The following ACADM variants were observed in gnomAD, a reference collection of about 807,000 sequenced individuals.
ACADM encodes acyl-CoA dehydrogenase medium chain, also known as medium-chain specific acyl-CoA dehydrogenase, mitochondrial.
Under a neutral mutation model 58.9 loss-of-function variants are expected in ACADM, and 49 were observed. The ratio of observed to expected loss-of-function variants is 0.83; its 90% CI spans 0.66 to 1.06. ACADM has a LOEUF of 1.06. Ranked by LOEUF, ACADM falls within the 50% of genes least tolerant of loss-of-function variation. ACADM has a pLI of 0.00. For synonymous variants in ACADM, 160 were observed against 157.7 expected, an observed-to-expected ratio of 1.01 and a Z score of -0.11; for missense variants, 496 against 507.0, an observed-to-expected ratio of 0.98 and a Z score of 0.21.
At chr1:75,738,384 C>G (rs1284496929) in intron 6 of ACADM, among the ~76,000 whole-genome samples, 1 of 152,010 alleles carries the variant, frequency 6.6e-6, no homozygotes, top group Non-Finnish European at 1.5e-5. Context: ...CCAAGCCTGG[C>G]TAAGTTTTTG....
intron 4 of ACADM, chr1:75,733,271 A>G: frequency 7.2e-7 from 1 of 1,393,574 alleles, no homozygotes; most frequent in Non-Finnish European, 9.6e-7. Context: ...TTAGAGTTGA[A>G]TTGAGTTTTA....
At chr1:75,757,562 G>C (rs1648580325) in intron 10 of ACADM, among the ~76,000 whole-genome samples, 2 of 152,160 alleles carry the variant, frequency 1.3e-5, no homozygotes, top group South Asian at 4.1e-4. Flanking sequence ...AACAACAGGT[G>C]CTGGAGAGGA....
intron 7 of ACADM, among the ~76,000 whole-genome samples, chr1:75,742,255 G>A (rs1283633065): frequency 6.6e-6 from 1 of 151,682 alleles, no homozygotes; most frequent in Non-Finnish European, 1.5e-5. Context: ...GATGCAGTTG[G>A]ATACAAAGCC....
At chr1:75,756,606 G>T (rs529572632) in intron 10 of ACADM, among the ~76,000 whole-genome samples, 3 of 152,312 alleles carry the variant, frequency 2.0e-5, no homozygotes, top group Non-Finnish European at 4.4e-5. Flanking sequence ...TGGGTAGGAA[G>T]AATCAATATC....
At position 75,724,747 on chromosome 1, in the gene ACADM, A is replaced by AC. The variant is rs1276246387; in HGVS notation, c.-38dup. On this transcript the variant is annotated 5_prime_UTR_variant, in exon 1 of 12. Coordinates refer to ENST00000370841, the MANE Select transcript of ACADM (RefSeq NM_000016.6). ...GTTCGGGGAGTATGTCAAGGCCGTGACCCGTGTATTATTGTCCGAGTGGCC... is the reference window on the plus strand; with the variant it reads ...GTTCGGGGAGTATGTCAAGGCCGTGACCCCGTGTATTATTGTCCGAGTGGCC... 6.5e-7 allele frequency: 1 copy of AC among 1,541,750 alleles called. No individual in the cohort carries two copies. Among genetic ancestry groups the AC allele is most frequent in the Non-Finnish European group, 8.7e-7 (1 of 1,144,234 alleles).
At chr1:75,737,707 C>T (rs1647347405) in intron 6 of ACADM, among the ~76,000 whole-genome samples, 2 of 152,034 alleles carry the variant, frequency 1.3e-5, no homozygotes, top group Non-Finnish European at 2.9e-5. Flanking sequence ...TGGGAATCAA[C>T]ACCTTCTGAA....
rs546106116 is a variant in ACADM at position 75,730,567 on chromosome 1, G to T, written c.119-2077G>T. 8.0e-5 allele frequency among the ~76,000 whole-genome samples: 12 copies of T among 150,680 alleles called. No homozygotes were observed. The South Asian group carries it at 2.5e-3, about 32-fold the overall frequency. ...CCTTTTTTTTTTTTTTAAGAGACAG[G>T]GTTTCACTCTGTCACCCAAGCTGGA... On this transcript the variant is annotated intron_variant, in intron 2 of 11. Coordinates refer to ENST00000370841, the MANE Select transcript of ACADM (RefSeq NM_000016.6).
At chr1:75,726,283 C>T (rs1271337181) in intron 1 of ACADM, among the ~76,000 whole-genome samples, 1 of 151,382 alleles carries the variant, frequency 6.6e-6, no homozygotes, top group East Asian at 1.9e-4. Flanking sequence ...GTAGCATATG[C>T]CTGTAATCCC....
rs33952162 is a variant in ACADM, at chr1:75,735,319, C to CAAA, written c.468+466_468+468dup. Among the ~76,000 whole-genome samples the CAAA allele has an allele frequency of 1.9e-3, 188 of 101,618 alleles. 1 individual carries two copies. Among genetic ancestry groups the CAAA allele is most frequent in the East Asian group, 0.01 (31 of 2,994 alleles). The allele number at this position is 101,618 out of a possible 152,430, so 66.7% of individuals were successfully genotyped here. A position where few individuals can be genotyped will look rare whatever the true frequency, so the allele number is the denominator to read the frequency against. On this transcript the variant is annotated intron_variant, in intron 6 of 11. Coordinates refer to ENST00000370841, the MANE Select transcript of ACADM (RefSeq NM_000016.6). ...CGACAGAGTGAGTGAGACCCTGTCT[C>CAAA]AAAAAAAAAAAAAAAAAAAAGGTGT...
chr1:75,728,019 A>C (rs1373552389), intron 1 of ACADM, among the ~76,000 whole-genome samples: 1 of 152,112 alleles, frequency 6.6e-6, no homozygotes. Context: ...TGAACACAGT[A>C]TGTTCACTTC....
intron 2 of ACADM, among the ~76,000 whole-genome samples, chr1:75,731,163 C>T (rs1465588408): frequency 1.3e-5 from 2 of 151,436 alleles, no homozygotes; most frequent in East Asian, 3.9e-4. Context: ...CCTGTAGTCC[C>T]AGCTGCTCAG....
At chr1:75,734,746 C>A in intron 5 of ACADM, 45 bp from the exon 6 acceptor site, 1 of 1,404,156 alleles carries the variant, frequency 7.1e-7, no homozygotes, top group Non-Finnish European at 1.0e-6. Context: ...ATTTACATAT[C>A]CAATAAAAAT....
intron 6 of ACADM, among the ~76,000 whole-genome samples, chr1:75,738,683 G>A (rs1026419886): frequency 1.3e-5 from 2 of 152,038 alleles, no homozygotes; most frequent in African/African-American, 4.8e-5. Flanking sequence ...GGTCTCAAGC[G>A]ATCCTCCCAT....
intron 2 of ACADM, among the ~76,000 whole-genome samples, chr1:75,728,691 A>T (rs1310505671): frequency 6.6e-6 from 1 of 152,194 alleles, no homozygotes; most frequent in African/African-American, 2.4e-5. Flanking sequence ...TGTACATTAG[A>T]TCTGTTTTAG....
chr1:75,733,231 G>T, intron 4 of ACADM: 1 of 1,546,256 alleles, frequency 6.5e-7, no homozygotes, highest in South Asian at 1.2e-5. Context: ...TCTTTTTTGT[G>T]AACCATGATT....
At chr1:75,756,860 A>C (rs565525747) in intron 10 of ACADM, among the ~76,000 whole-genome samples, 1 of 152,316 alleles carries the variant, frequency 6.6e-6, no homozygotes, top group South Asian at 2.1e-4. Context: ...ACCAAAACAG[A>C]TATATAGACA....
chr1:75,749,736 CAG>C (rs1403467238), intron 9 of ACADM, among the ~76,000 whole-genome samples, 177 bp downstream of exon 9: 1 of 116,952 alleles, frequency 8.6e-6, no homozygotes, highest in African/African-American at 3.4e-5. Context: ...TTTTTTGAGA[CAG>C]AGTCTCACTC....
Position 75,745,902 on chromosome 1 carries a change from G to A in ACADM, c.696G>A (p.Gln232=). ...FIVEADTPGI[Q]IGRKELNMGQ... Reference sequence around the variant, plus strand: ...TGGAAGCAGATACCCCAGGAATTCAGATTGGGAGAAAGGTAAAGTATTTAT... The same window carrying A: ...TGGAAGCAGATACCCCAGGAATTCAAATTGGGAGAAAGGTAAAGTATTTAT... The change falls in exon 8 of 12, where the codon CAG becomes CAA. Residue 232 remains glutamine (Q), a synonymous_variant. Transcript: ENST00000370841. 6.2e-7 allele frequency: 1 copy of A among 1,610,424 alleles called. No homozygotes were observed. Among genetic ancestry groups the A allele is most frequent in the Non-Finnish European group, 8.5e-7 (1 of 1,176,774 alleles).
chr1:75,758,131 T>C (rs1770511), intron 10 of ACADM, among the ~76,000 whole-genome samples: 56,863 of 151,974 alleles, frequency 0.37, 11,687 homozygotes, highest in African/African-American at 0.55. Flanking sequence ...GGCGTAATCT[T>C]GGCTCACTGC....
Sources: allele counts gnomAD v4.1 joint callset (sites outside exome capture counted in the v4.1 genomes callset), GRCh38; gene constraint gnomAD v4.1.1; transcripts MANE v1.5; gene names NCBI Gene and HGNC (gene_info 2026-07-23, HGNC 2026-07-21).